The following PI4KA variants were observed in gnomAD, a reference collection of about 807,000 sequenced individuals.
PI4KA encodes the protein phosphatidylinositol 4-kinase alpha, also known as PI4-kinase alpha.
A neutral mutation model predicts 271.4 loss-of-function variants in PI4KA; 122 were observed. The ratio of observed to expected loss-of-function variants is 0.45; its 90% CI spans 0.39 to 0.52. The LOEUF (loss-of-function observed/expected upper bound fraction) is 0.52, where lower values mean the gene tolerates loss of function less well. Among genes scored for constraint, PI4KA ranks in the 20% least tolerant of loss-of-function variants. The pLI is 0.00. For synonymous variants in PI4KA, 1,041 were observed against 1,078.8 expected (o/e 0.96, Z 0.69); for missense variants, 1,969 against 2,769.1 (o/e 0.71, Z 6.48).
intron 1 of PI4KA, among the ~76,000 whole-genome samples, chr22:20,840,577 C>T (rs1925423900): frequency 6.6e-6 from 1 of 152,134 alleles, no homozygotes; most frequent in South Asian, 2.1e-4. Flanking sequence ...CCTGCAGCAG[C>T]TGAGGCGAAG....
chr22:20,824,551 G>C, intron 3 of PI4KA, 137 bp from the exon 4 acceptor site: 1 of 611,126 alleles, frequency 1.6e-6, no homozygotes, highest in Non-Finnish European at 2.9e-6. Context: ...TCCTTGAGAC[G>C]AGTCTCAAAA....
intron 23 of PI4KA, among the ~76,000 whole-genome samples, chr22:20,758,296 C>T (rs1377742169): frequency 3.1e-5 from 4 of 130,932 alleles, no homozygotes; most frequent in Non-Finnish European, 6.2e-5. Flanking sequence ...ACCTGGGAGG[C>T]GGAGCTTGCA....
intron 8 of PI4KA, among the ~76,000 whole-genome samples, chr22:20,811,499 C>T (rs577021191): frequency 6.6e-6 from 1 of 150,940 alleles, no homozygotes; most frequent in African/African-American, 2.4e-5. Flanking sequence ...TGCTTAGGTA[C>T]TCAAACTAGA....
intron 19 of PI4KA, among the ~76,000 whole-genome samples, chr22:20,777,894 T>C (rs1048838458): frequency 6.6e-6 from 1 of 152,194 alleles, no homozygotes; most frequent in Admixed American, 6.5e-5. Flanking sequence ...AAAGACAGGA[T>C]TGCCATAATG....
intron 26 of PI4KA, 45 bp from the exon 27 acceptor site, chr22:20,751,421 G>C (rs1930676118): frequency 1.3e-6 from 2 of 1,555,430 alleles, no homozygotes; most frequent in African/African-American, 1.4e-5. Context: ...CCTTCCCCAA[G>C]TTGCCACTAG....
chr22:20,826,258 G>A (rs183548210), intron 3 of PI4KA, among the ~76,000 whole-genome samples: 15 of 152,272 alleles, frequency 9.9e-5, no homozygotes, highest in East Asian at 7.7e-4. Flanking sequence ...CAGGAGAATC[G>A]CTCGAACCTG....
intron 19 of PI4KA, chr22:20,786,127 C>A (rs768871940): frequency 3.7e-6 from 6 of 1,614,088 alleles, no homozygotes; most frequent in Non-Finnish European, 5.1e-6. Flanking sequence ...GCATCTCAGA[C>A]CAAAGGATCG....
Position 20,858,570 on chromosome 22 carries a change from C to G in PI4KA, c.156G>C (p.Lys52Asn), listed in dbSNP as rs1025286703. The G allele has an allele frequency of 7.2e-6, 10 of 1,390,682 alleles. No homozygotes were observed. The highest frequency in any genetic ancestry group is 9.4e-6 in the Non-Finnish European group (10 of 1,068,174). The allele number at this position is 1,390,682 out of a possible 1,614,324, so 86.1% of individuals were successfully genotyped here. A position where few individuals can be genotyped will look rare whatever the true frequency, so the allele number is the denominator to read the frequency against. Residue 52 changes from lysine (K) to asparagine (N), a missense_variant and splice_region_variant, in exon 1 of 55, where the codon AAG becomes AAC. Physicochemically the swap from Lys to Asn is moderately conservative, Grantham distance 94. Transcript: ENST00000255882. The part of the protein sequence containing the change: ...LAVQRPASLE[K>N]VQKLLCMCPV... Reference sequence around the variant, plus strand: ...CCGCGGCCCAGCCCGCCGACGTTACCTTCTCCAAGGATGCTGGTCTCTGCA... The same window carrying G: ...CCGCGGCCCAGCCCGCCGACGTTACGTTCTCCAAGGATGCTGGTCTCTGCA...
chr22:20,794,462 C>T (rs570600953), intron 18 of PI4KA, among the ~76,000 whole-genome samples: 2 of 152,268 alleles, frequency 1.3e-5, no homozygotes, highest in East Asian at 3.9e-4. Flanking sequence ...TGAGGTGGTC[C>T]CAGCTGTGTA....
intron 7 of PI4KA, among the ~76,000 whole-genome samples, chr22:20,815,472 A>G (rs1921679930): frequency 6.6e-6 from 1 of 152,184 alleles, no homozygotes. Context: ...ATAAGACAGT[A>G]TCAATTCATA....
intron 42 of PI4KA, 194 bp downstream of exon 42, chr22:20,726,294 G>A: frequency 2.0e-6 from 1 of 504,600 alleles, no homozygotes; most frequent in Non-Finnish European, 3.4e-6. Context: ...GGGCCTCAGG[G>A]TGAGGCAGTG....
intron 29 of PI4KA, among the ~76,000 whole-genome samples, chr22:20,746,287 C>A (rs887664605): frequency 2.0e-5 from 3 of 151,946 alleles, no homozygotes; most frequent in Non-Finnish European, 4.4e-5. Context: ...TGGTCTCGAT[C>A]CACTGACCTC....
intron 1 of PI4KA, among the ~76,000 whole-genome samples, chr22:20,843,678 G>T (rs1193698339): frequency 6.6e-6 from 1 of 152,146 alleles, no homozygotes; most frequent in Non-Finnish European, 1.5e-5. Flanking sequence ...TTCACTTTCA[G>T]GCAGGCCATG....
chr22:20,809,937 G>T (rs1165099158), intron 9 of PI4KA, among the ~76,000 whole-genome samples: 1 of 152,146 alleles, frequency 6.6e-6, no homozygotes, highest in Non-Finnish European at 1.5e-5. Flanking sequence ...GGCCCTGGTA[G>T]TTCCTTCCCT....
At chr22:20,810,941 T>C (rs377458585) in intron 9 of PI4KA, 26 bp downstream of exon 9, 9 of 1,571,450 alleles carry the variant, frequency 5.7e-6, no homozygotes, top group Middle Eastern at 3.3e-4. Context: ...GCTGATCTCA[T>C]GGTAATGCCC....
intron 2 of PI4KA, among the ~76,000 whole-genome samples, chr22:20,836,386 T>G (rs768963914): frequency 1.3e-5 from 2 of 152,332 alleles, no homozygotes; most frequent in Non-Finnish European, 1.5e-5. Context: ...AAAAGTTTTT[T>G]CTCTAAACCA....
At position 20,838,723 on chromosome 22, in the gene PI4KA, C is replaced by T. The variant is rs371926253; in HGVS notation, c.165G>A (p.Lys55=). ...AATCCACTGGACACATGCAAAGAAG[C>T]TTTTGGACCTAGAAAATGAGACCCC... is the stretch of plus-strand genomic sequence containing the variant. ...QRPASLEKVQ[K]LLCMCPVDFH... Residue 55 remains lysine (K), a synonymous_variant, in exon 2 of 55, where the codon AAG becomes AAA. Transcript: ENST00000255882. 3.7e-6 allele frequency: 6 copies of T among 1,601,066 alleles called. No individual in the cohort carries two copies. The African/African-American group carries it at 8.1e-5, about 22-fold the overall frequency.
intron 25 of PI4KA, among the ~76,000 whole-genome samples, chr22:20,752,159 G>A (rs1424095975): frequency 1.3e-5 from 2 of 152,180 alleles, no homozygotes; most frequent in African/African-American, 4.8e-5. Context: ...GGCTCCGATG[G>A]CCCCAGGGCT....
rs112951864 is a variant in PI4KA, at chr22:20,783,909, A to G, written c.2328+9284T>C. On this transcript the variant is annotated intron_variant, in intron 19 of 54. Transcript: ENST00000255882. ...CTCCAGGGAAATCAGATTCACTCTC[A>G]AGGGTGAGACGATTTCCCTAAAGGA... The G allele has an allele frequency of 6.9e-4, 1,118 of 1,609,306 alleles. 11 individuals carry two copies. In the African/African-American group the frequency reaches 9.5e-3, roughly 14 times the overall value.
Sources: allele counts gnomAD v4.1 joint callset (sites outside exome capture counted in the v4.1 genomes callset), GRCh38; gene constraint gnomAD v4.1.1; transcripts MANE v1.5; gene names NCBI Gene and HGNC (gene_info 2026-07-23, HGNC 2026-07-21).